The following ASB14 variants were observed in gnomAD, a reference collection of about 807,000 sequenced individuals.
ASB14 encodes ankyrin repeat and SOCS box containing 14.
ASB14 carries 63 observed loss-of-function variants against 55.6 expected under a neutral mutation model. That is an observed-to-expected ratio of 1.13 (90% CI 0.92 to 1.40). The LOEUF (loss-of-function observed/expected upper bound fraction) is 1.40, where lower values mean the gene tolerates loss of function less well. ASB14 is among the 40% of genes most tolerant of loss of function. ASB14 has a pLI of 0.00. For missense variants in ASB14, 724 were observed against 710.4 expected, an observed-to-expected ratio of 1.02 and a Z score of -0.22; for synonymous variants, 256 against 259.9, an observed-to-expected ratio of 0.98 and a Z score of 0.15.
chr3:57,284,941 GT>G (rs10648367), intron 5 of ASB14, among the ~76,000 whole-genome samples: 32,106 of 131,826 alleles, frequency 0.24, 3,722 homozygotes, highest in Middle Eastern at 0.37. Flanking sequence ...TTTCAGTGTT[GT>G]TTTTTTTTTT....
Position 57,289,083 on chromosome 3 carries a change from C to G in ASB14, c.163G>C (p.Glu55Gln). Residue 55 changes from glutamate (E) to glutamine (Q), a missense_variant, in exon 3 of 11, where the codon GAA (glutamate) becomes CAA (glutamine). Glu to Gln is a conservative substitution (Grantham distance 29). Transcript: ENST00000487349. ...GAGTACTTAACTTTCTCTATTGTTTCAACTATCTTCTTATAGTCAGCGCTC... is the reference window on the plus strand; with the variant it reads ...GAGTACTTAACTTTCTCTATTGTTTGAACTATCTTCTTATAGTCAGCGCTC... ...FLSADYKKIV[E>Q]TIEKGKEDAL... 1 of 1,528,074 alleles carries G rather than the reference C, an allele frequency of 6.5e-7. No individual in the cohort carries two copies. Among genetic ancestry groups the G allele is most frequent in the Non-Finnish European group, 8.8e-7 (1 of 1,138,716 alleles). 94.7% of individuals were successfully genotyped at this position (1,528,074 alleles called of 1,614,324 possible).
intron 2 of ASB14, among the ~76,000 whole-genome samples, chr3:57,289,840 G>A (rs2107630752): frequency 6.6e-6 from 1 of 151,734 alleles, no homozygotes; most frequent in East Asian, 2.0e-4. Context: ...GTAGAGATGG[G>A]GTTTTACTGT....
At chr3:57,290,239 G>C (rs1377768090) in intron 2 of ASB14, among the ~76,000 whole-genome samples, 1 of 152,132 alleles carries the variant, frequency 6.6e-6, no homozygotes, top group Non-Finnish European at 1.5e-5. Flanking sequence ...GTTCCTTCTG[G>C]AGGCTCTTGG....
rs2061011075 is a variant in ASB14 at position 57,278,673 on chromosome 3, C to T, written c.1135G>A (p.Gly379Arg). ...ACCGGGTCTTGATTAGGCAGAGCTC[C>T]AGCACTCAGAAGCAGCTTGACTGAA... ...LSSVKLLLSA[G>R]ALPNQDPVNC... The change falls in exon 8 of 11, where the codon GGA becomes AGA. Residue 379 changes from glycine (G) to arginine (R), a missense_variant. Coordinates refer to ENST00000487349, the MANE Select transcript of ASB14 (RefSeq NM_001142733.3). 1.2e-6 allele frequency: 2 copies of T among 1,614,154 alleles called. No individual in the cohort carries two copies. The highest frequency in any genetic ancestry group is 1.7e-6 in the Non-Finnish European group (2 of 1,180,024).
intron 10 of ASB14, chr3:57,269,859 T>C: frequency 1.4e-6 from 1 of 725,196 alleles, no homozygotes; most frequent in African/African-American, 1.8e-5. Context: ...AGGTTTGCAT[T>C]GATCTTTTTT....
chr3:57,279,578 G>C (rs1222441065), intron 7 of ASB14, among the ~76,000 whole-genome samples: 2 of 151,860 alleles, frequency 1.3e-5, no homozygotes, highest in Non-Finnish European at 2.9e-5. Context: ...CCCACCTGTA[G>C]TCCCAGCTAC....
At chr3:57,291,827 TCACAA>T in intron 2 of ASB14, 80 bp downstream of exon 2, 2 of 1,224,690 alleles carry the variant, frequency 1.6e-6, no homozygotes, top group South Asian at 3.7e-5. Flanking sequence ...CCTGTTTTTG[TCACAA>T]CACTAGAGTT....
chr3:57,291,183 CTTCA>C (rs2061125412), intron 2 of ASB14, among the ~76,000 whole-genome samples: 1 of 152,202 alleles, frequency 6.6e-6, no homozygotes, highest in Non-Finnish European at 1.5e-5. Flanking sequence ...GTTTGATGTA[CTTCA>C]TTGTCTCTAT....
chr3:57,270,062 C>T, intron 10 of ASB14: 1 of 157,612 alleles, frequency 6.3e-6, no homozygotes, highest in East Asian at 1.9e-4. Flanking sequence ...CATGGATATG[C>T]TTTTCTTTCA....
chr3:57,280,207 C>G, intron 7 of ASB14, 95 bp downstream of exon 7: 1 of 518,832 alleles, frequency 1.9e-6, no homozygotes, highest in Non-Finnish European at 3.0e-6. Flanking sequence ...ATTGTGGGAT[C>G]AGTGATTAAA....
Position 57,278,776 on chromosome 3 carries a change from C to A in ASB14, c.1032G>T (p.Leu344=). Residue 344 remains leucine (L), a synonymous_variant, in exon 8 of 11, where the codon CTG becomes CTT. Coordinates refer to ENST00000487349, the MANE Select transcript of ASB14 (RefSeq NM_001142733.3). ...CGTAGTGTTTGTTAATTCTCTGATCCAGCATGAAGTTCACATCAAATCCAG... is the reference window on the plus strand; with the variant it reads ...CGTAGTGTTTGTTAATTCTCTGATCAAGCATGAAGTTCACATCAAATCCAG... ...IQAGFDVNFM[L]DQRINKHYDD... 6.2e-7 allele frequency: 1 copy of A among 1,613,266 alleles called. No individual in the cohort carries two copies. The highest frequency in any genetic ancestry group is 8.5e-7 in the Non-Finnish European group (1 of 1,179,638).
intron 10 of ASB14, 93 bp from the exon 11 acceptor site, chr3:57,269,711 C>G: frequency 2.5e-6 from 4 of 1,610,678 alleles, no homozygotes; most frequent in Non-Finnish European, 3.4e-6. Flanking sequence ...GTAGATATTC[C>G]CCCTTGGAAT....
chr3:57,289,105 G>T lies in ASB14; in HGVS notation c.141C>A (p.Ser47Arg). The T allele has an allele frequency of 6.5e-7, 1 of 1,529,422 alleles. No individual in the cohort carries two copies. Among genetic ancestry groups the T allele is most frequent in the Non-Finnish European group, 8.8e-7 (1 of 1,140,036 alleles). 94.7% of individuals were successfully genotyped at this position (1,529,422 alleles called of 1,614,324 possible). A position where few individuals can be genotyped will look rare whatever the true frequency, so the allele number is the denominator to read the frequency against. Reference sequence around the variant, plus strand: ...TTTCAACTATCTTCTTATAGTCAGCGCTCAAAAAGGAATGCAAACTGCAAA... The same window carrying T: ...TTTCAACTATCTTCTTATAGTCAGCTCTCAAAAAGGAATGCAAACTGCAAA... ...PKDESLHSFL[S>R]ADYKKIVETI... is the part of the protein sequence containing the mutation. The change falls in exon 3 of 11, where the codon AGC (serine) becomes AGA (arginine). Residue 47 changes from serine to arginine, a missense_variant. By Grantham distance (110) the Ser-to-Arg change is moderately radical. Coordinates refer to ENST00000487349, the MANE Select transcript of ASB14 (RefSeq NM_001142733.3).
intron 10 of ASB14, among the ~76,000 whole-genome samples, chr3:57,274,761 G>T (rs1236204397): frequency 6.6e-6 from 1 of 152,102 alleles, no homozygotes; most frequent in Non-Finnish European, 1.5e-5. Context: ...CCATCGGTGA[G>T]CCTCTTCATG....
chr3:57,270,772 C>G (rs1287325672), intron 10 of ASB14: 2 of 152,168 alleles, frequency 1.3e-5, no homozygotes, highest in African/African-American at 4.8e-5. Flanking sequence ...GAATAATTTG[C>G]ACTAATTATT....
At chr3:57,279,056 CA>C in intron 7 of ASB14, 136 bp from the exon 8 acceptor site, 2 of 763,754 alleles carry the variant, frequency 2.6e-6, no homozygotes, top group Non-Finnish European at 4.1e-6. Flanking sequence ...AAAAAAAAAG[CA>C]TAATTCCTTC....
At chr3:57,288,600 C>T (rs1279115013) in intron 3 of ASB14, among the ~76,000 whole-genome samples, 2 of 151,784 alleles carry the variant, frequency 1.3e-5, no homozygotes, top group Non-Finnish European at 2.9e-5. Flanking sequence ...TCTTGACAAT[C>T]AGCTGTGGAC....
Position 57,269,588 on chromosome 3 carries a change from C to A in ASB14, c.*53G>T, listed in dbSNP as rs750345304. Reference sequence around the variant, plus strand: ...TGATAGCTGCTTCCAGTAGACCAAACCAAGCCAGTAGTGAGGGGCAGTTTG... The same window carrying A: ...TGATAGCTGCTTCCAGTAGACCAAAACAAGCCAGTAGTGAGGGGCAGTTTG... On this transcript the variant is annotated 3_prime_UTR_variant, in exon 11 of 11. Transcript: ENST00000487349. The A allele has an allele frequency of 1.2e-6, 2 of 1,613,860 alleles. No individual in the cohort carries two copies. The highest frequency in any genetic ancestry group is 1.7e-6 in the Non-Finnish European group (2 of 1,179,988).
rs2107625397 is a variant in ASB14, at chr3:57,283,265, T to C, written c.644A>G (p.Tyr215Cys). 1 of 1,552,064 alleles carries C rather than the reference T, an allele frequency of 6.4e-7. No individual in the cohort carries two copies. Among genetic ancestry groups the C allele is most frequent in the Non-Finnish European group, 8.7e-7 (1 of 1,147,050 alleles). The change falls in exon 6 of 11, where the codon TAT (tyrosine) becomes TGT (cysteine). Residue 215 changes from tyrosine to cysteine, a missense_variant. Tyr to Cys is a radical substitution (Grantham distance 194). Transcript: ENST00000487349. ...SGAHPDPQST[Y>C]GFTPLALAAQ... ...AGCAAGAGCAAGAGGAGTGAATCCA[T>C]ACGTGCTCTGTGGGTCAGGGTGTGC...
Sources: allele counts gnomAD v4.1 joint callset (sites outside exome capture counted in the v4.1 genomes callset), GRCh38; gene constraint gnomAD v4.1.1; transcripts MANE v1.5; gene names NCBI Gene and HGNC (gene_info 2026-07-23, HGNC 2026-07-21).